CCDC178: variants seen among roughly 807,000 people sequenced by gnomAD.
CCDC178 encodes the protein coiled-coil domain-containing protein 178.
CCDC178 carries 126 observed loss-of-function variants against 117.4 expected under a neutral mutation model. The ratio of observed to expected loss-of-function variants is 1.07; its 90% CI spans 0.93 to 1.24. The LOEUF is 1.24. Among genes scored for constraint, CCDC178 ranks in the 50% most tolerant of loss-of-function variants. CCDC178 has a pLI of 0.00. For missense variants in CCDC178, 1,030 were observed against 986.9 expected (o/e 1.04, Z -0.59); for synonymous variants, 283 against 313.4 (o/e 0.90, Z 1.02).
chr18:33,276,073 G>C (rs2144802616), intron 12 of CCDC178, among the ~76,000 whole-genome samples: 1 of 132,854 alleles, frequency 7.5e-6, no homozygotes, highest in East Asian at 2.2e-4. Context: ...TATTAGATGG[G>C]ACTGTGAATC....
chr18:33,362,653 T>C (rs1368176014), intron 6 of CCDC178, among the ~76,000 whole-genome samples: 1 of 151,962 alleles, frequency 6.6e-6, no homozygotes, highest in East Asian at 1.9e-4. Flanking sequence ...CTATACCATC[T>C]ATATGTGTCT....
intron 22 of CCDC178, among the ~76,000 whole-genome samples, chr18:32,967,762 GT>G (rs2054845228): frequency 6.8e-6 from 1 of 146,316 alleles, no homozygotes; most frequent in African/African-American, 2.5e-5. Context: ...CAAATTTTTT[GT>G]TTTGTTTTTA....
At chr18:33,394,753 A>C (rs999686612) in intron 4 of CCDC178, among the ~76,000 whole-genome samples, 1 of 151,062 alleles carries the variant, frequency 6.6e-6, no homozygotes. Flanking sequence ...CCCAAATTTG[A>C]GAAGAAATAT....
intron 2 of CCDC178, among the ~76,000 whole-genome samples, chr18:33,437,151 A>T (rs2064303505): frequency 6.6e-6 from 1 of 152,210 alleles, no homozygotes; most frequent in Non-Finnish European, 1.5e-5. Context: ...TCAGCCTCTC[A>T]AAGAATTTGT....
At chr18:32,954,812 G>A (rs2054559590) in intron 22 of CCDC178, among the ~76,000 whole-genome samples, 1 of 151,984 alleles carries the variant, frequency 6.6e-6, no homozygotes, top group African/African-American at 2.4e-5. Context: ...AAAAAGGAGG[G>A]AAGAAAAGAA....
chr18:33,078,683 T>C (rs1403429932), intron 21 of CCDC178, among the ~76,000 whole-genome samples: 1 of 152,048 alleles, frequency 6.6e-6, no homozygotes, highest in Non-Finnish European at 1.5e-5. Flanking sequence ...CATTCACAAT[T>C]GCCACAAAAG....
At position 33,405,225 on chromosome 18, in the gene CCDC178, G is replaced by A. The variant is rs778872020; in HGVS notation, c.58+6806C>T. ...CTGAGAACTATTATTCAATAAAAACGTAATTATCAAGAATTACAAAAATGT... is the reference window on the plus strand; with the variant it reads ...CTGAGAACTATTATTCAATAAAAACATAATTATCAAGAATTACAAAAATGT... On this transcript the variant is annotated intron_variant, in intron 3 of 22. Coordinates refer to ENST00000383096, the MANE Select transcript of CCDC178 (RefSeq NM_001105528.4). 3.3e-5 allele frequency among the ~76,000 whole-genome samples: 5 copies of A among 151,426 alleles called. 1 individual carries two copies. Among genetic ancestry groups the A allele is most frequent in the African/African-American group, 7.3e-5 (3 of 41,292 alleles).
At chr18:33,236,672 A>G (rs2059430300) in intron 15 of CCDC178, among the ~76,000 whole-genome samples, 1 of 152,214 alleles carries the variant, frequency 6.6e-6, no homozygotes, top group Non-Finnish European at 1.5e-5. Flanking sequence ...GCACCCCAAA[A>G]AGAACCAAAG....
chr18:33,422,707 A>G (rs1490913315), intron 2 of CCDC178, among the ~76,000 whole-genome samples: 3 of 152,188 alleles, frequency 2.0e-5, no homozygotes, highest in African/African-American at 7.2e-5. Flanking sequence ...GCACAAATCT[A>G]TGCAATGCCT....
chr18:33,062,194 C>T (rs2056934315), intron 21 of CCDC178, among the ~76,000 whole-genome samples: 1 of 152,066 alleles, frequency 6.6e-6, no homozygotes, highest in South Asian at 2.1e-4. Context: ...AAAACAGATG[C>T]TCTAAAATGA....
intron 7 of CCDC178, among the ~76,000 whole-genome samples, chr18:33,350,781 T>C (rs2062965289): frequency 6.6e-6 from 1 of 152,174 alleles, no homozygotes; most frequent in Non-Finnish European, 1.5e-5. Flanking sequence ...CTTTTGGGTA[T>C]ATATCTTGCA....
intron 15 of CCDC178, among the ~76,000 whole-genome samples, chr18:33,231,430 A>G (rs1478030431): frequency 6.6e-6 from 1 of 152,228 alleles, no homozygotes. Flanking sequence ...TCAATGACAT[A>G]TACCAACCAA....
rs1423129808 is a variant in CCDC178, at chr18:33,346,371, C to A, written c.498G>T (p.Leu166Phe). 6.2e-7 allele frequency: 1 copy of A among 1,613,452 alleles called. No individual in the cohort carries two copies. Among genetic ancestry groups the A allele is most frequent in the African/African-American group, 1.3e-5 (1 of 74,982 alleles). Residue 166 changes from leucine (L) to phenylalanine (F), a missense_variant, in exon 9 of 23, where the codon TTG (leucine) becomes TTT (phenylalanine). Transcript: ENST00000383096. ...CPELKQEMET[L>F]LSEAIRLIKS... ...TAATGAGACGAATGGCCTCTGAGAG[C>A]AATGTTTCCATTTCCTGCTTTAACT...
chr18:33,034,015 T>G (rs1280453878), intron 21 of CCDC178, among the ~76,000 whole-genome samples: 1 of 151,502 alleles, frequency 6.6e-6, no homozygotes, highest in Non-Finnish European at 1.5e-5. Context: ...CACCTAAAAC[T>G]CAACCAATGT....
intron 2 of CCDC178, among the ~76,000 whole-genome samples, chr18:33,434,958 T>G (rs868511841): frequency 1.3e-5 from 2 of 152,164 alleles, no homozygotes; most frequent in African/African-American, 2.4e-5. Context: ...TCAGGTGACA[T>G]TTTCGGGCTA....
At chr18:33,113,045 A>G (rs1254689372) in intron 20 of CCDC178, among the ~76,000 whole-genome samples, 1 of 152,030 alleles carries the variant, frequency 6.6e-6, no homozygotes, top group African/African-American at 2.4e-5. Context: ...ACTTCTCCTT[A>G]TAAGAAAATT....
At chr18:33,295,526 T>C (rs748500431) in intron 11 of CCDC178, among the ~76,000 whole-genome samples, 3 of 152,080 alleles carry the variant, frequency 2.0e-5, no homozygotes, top group Non-Finnish European at 4.4e-5. Flanking sequence ...ACATAGAATA[T>C]ATTTACATAT....
intron 15 of CCDC178, among the ~76,000 whole-genome samples, chr18:33,238,758 G>A (rs2059453836): frequency 6.6e-6 from 1 of 151,460 alleles, no homozygotes; most frequent in South Asian, 2.1e-4. Context: ...GAGAGAGATG[G>A]ACATCTAGAT....
chr18:33,066,944 A>G (rs567646154), intron 21 of CCDC178, among the ~76,000 whole-genome samples: 1 of 152,350 alleles, frequency 6.6e-6, no homozygotes, highest in Admixed American at 6.5e-5. Flanking sequence ...TGGAAAAATC[A>G]TCGAGACAAA....
Sources: allele counts gnomAD v4.1 joint callset (sites outside exome capture counted in the v4.1 genomes callset), GRCh38; gene constraint gnomAD v4.1.1; transcripts MANE v1.5; gene names NCBI Gene and HGNC (gene_info 2026-07-23, HGNC 2026-07-21).